Variants in CFAP20DC observed in about 807,000 individuals in gnomAD.
CFAP20DC encodes CFAP20 domain containing.
CFAP20DC carries 84 observed loss-of-function variants against 101.7 expected under a neutral mutation model. That is an observed-to-expected ratio of 0.83 (90% CI 0.69 to 0.99). The LOEUF (loss-of-function observed/expected upper bound fraction) is 0.99. CFAP20DC is among the 50% of genes least tolerant of loss of function. CFAP20DC has a pLI of 0.00. For synonymous variants in CFAP20DC, 359 were observed against 351.2 expected (o/e 1.02, Z -0.25); for missense variants, 1,007 against 970.3 (o/e 1.04, Z -0.50).
intron 14 of CFAP20DC, among the ~76,000 whole-genome samples, chr3:58,818,629 A>G (rs1280542527): frequency 5.5e-5 from 8 of 144,618 alleles, no homozygotes; most frequent in African/African-American, 1.0e-4. Flanking sequence ...AGGAGCACCC[A>G]GATTCATAAA....
chr3:58,739,457 G>T (rs2067832548), downstream of CFAP20DC, among the ~76,000 whole-genome samples: 2 of 152,048 alleles, frequency 1.3e-5, no homozygotes, highest in Non-Finnish European at 2.9e-5. Context: ...AAAAATGTTT[G>T]GTACACACTT....
intron 3 of CFAP20DC, among the ~76,000 whole-genome samples, chr3:59,044,646 G>C (rs956707829): frequency 3.3e-5 from 5 of 151,802 alleles, no homozygotes; most frequent in African/African-American, 4.8e-5. Flanking sequence ...TAGTAGAGAA[G>C]GAATCTATCT....
intron 4 of CFAP20DC, among the ~76,000 whole-genome samples, chr3:58,983,961 C>G (rs2108536205): frequency 6.6e-6 from 1 of 152,238 alleles, no homozygotes; most frequent in Middle Eastern, 3.4e-3. Context: ...CACCCTTGAC[C>G]CAGAAATTCT....
chr3:59,028,158 A>G (rs568055117), intron 4 of CFAP20DC, among the ~76,000 whole-genome samples: 59 of 152,332 alleles, frequency 3.9e-4, no homozygotes, highest in African/African-American at 1.3e-3. Context: ...CAGGTCATGA[A>G]GTTCTGAAAC....
intron 4 of CFAP20DC, among the ~76,000 whole-genome samples, chr3:58,983,149 G>A (rs2108526251): frequency 6.6e-6 from 1 of 152,296 alleles, no homozygotes; most frequent in Admixed American, 6.5e-5. Flanking sequence ...ATTACAGTTT[G>A]TTTTAAGAAA....
Position 58,831,768 on chromosome 3 carries a change from C to T in CFAP20DC, c.2093G>A (p.Ser698Asn), listed in dbSNP as rs2076409455. ...ATTACAGTTGTCCACCTGGGAGGCA[C>T]TCAGGCCATGGGAGGTCCCAGCATC... ...LEDAGTSHGL[S>N]ASQVDNCNVS... Residue 698 changes from serine to asparagine, a missense_variant, in exon 14 of 17, where the codon AGT becomes AAT. Ser to Asn is a conservative substitution (Grantham distance 46). Coordinates refer to ENST00000482387, the MANE Select transcript of CFAP20DC (RefSeq NM_001394063.1). 1 of 1,614,086 alleles carries T rather than the reference C, an allele frequency of 6.2e-7. No homozygotes were observed. The highest frequency in any genetic ancestry group is 8.5e-7 in the Non-Finnish European group (1 of 1,179,996).
chr3:58,822,046 C>CA (rs1324107992), intron 14 of CFAP20DC, among the ~76,000 whole-genome samples: 1 of 141,626 alleles, frequency 7.1e-6, no homozygotes, highest in Non-Finnish European at 1.5e-5. Context: ...ATCGCAAGAA[C>CA]AAAAAACCAA....
chr3:58,820,216 C>G (rs1383939702), intron 14 of CFAP20DC, among the ~76,000 whole-genome samples: 1 of 150,156 alleles, frequency 6.7e-6, no homozygotes, highest in Non-Finnish European at 1.5e-5. Flanking sequence ...GGAAGCATTC[C>G]CTTTGAAAAC....
downstream of CFAP20DC, among the ~76,000 whole-genome samples, chr3:58,740,839 A>G (rs1248942844): frequency 6.6e-6 from 1 of 152,192 alleles, no homozygotes; most frequent in Non-Finnish European, 1.5e-5. This position sits in a 1 kb window ranked among gnomAD's most constrained non-coding sequence, Gnocchi z 4.6. Flanking sequence ...TCCAAGCCCT[A>G]TTACAATCTT....
chr3:58,919,598 T>C (rs2085121719), intron 5 of CFAP20DC, among the ~76,000 whole-genome samples: 1 of 152,226 alleles, frequency 6.6e-6, no homozygotes, highest in Admixed American at 6.5e-5. Context: ...TAGAGAGCAC[T>C]GGCATCTTAA....
At position 58,755,700 on chromosome 3, in the gene CFAP20DC, T is replaced by C. The variant is rs539086339; in HGVS notation, c.2238-1837A>G. Among the ~76,000 whole-genome samples, 9 of 152,298 alleles carry C rather than the reference T, an allele frequency of 5.9e-5. No homozygotes were observed. In the East Asian group the frequency reaches 1.4e-3, roughly 23 times the overall value. On this transcript the variant is annotated intron_variant, in intron 15 of 16. Coordinates refer to ENST00000482387, the MANE Select transcript of CFAP20DC (RefSeq NM_001394063.1). Reference sequence around the variant, plus strand: ...TTTGTGATTAAAAAAATTTTAGATTTATAGAAAAGTTGCAAGAAGAGTATA... The same window carrying C: ...TTTGTGATTAAAAAAATTTTAGATTCATAGAAAAGTTGCAAGAAGAGTATA...
intron 14 of CFAP20DC, among the ~76,000 whole-genome samples, chr3:58,812,755 C>G (rs1373545751): frequency 6.6e-6 from 1 of 151,648 alleles, no homozygotes; most frequent in Non-Finnish European, 1.5e-5. Context: ...GTTTATTTTA[C>G]AGATCCAGCA....
intron 5 of CFAP20DC, among the ~76,000 whole-genome samples, chr3:58,923,310 G>T (rs1559829471): frequency 6.6e-6 from 1 of 151,976 alleles, no homozygotes; most frequent in African/African-American, 2.4e-5. Flanking sequence ...TACCATTACT[G>T]GCATTCTTTG....
intron 4 of CFAP20DC, among the ~76,000 whole-genome samples, chr3:58,949,464 A>T (rs1310292906): frequency 1.3e-5 from 2 of 152,136 alleles, no homozygotes; most frequent in East Asian, 3.9e-4. Flanking sequence ...AATGCGTCCC[A>T]GAGATTCTGG....
intron 7 of CFAP20DC, among the ~76,000 whole-genome samples, chr3:58,883,511 CTT>C (rs1185785080): frequency 6.6e-6 from 1 of 152,146 alleles, no homozygotes; most frequent in East Asian, 1.9e-4. Context: ...TTTGCTGTCT[CTT>C]TGTTTTTGCT....
intron 15 of CFAP20DC, among the ~76,000 whole-genome samples, chr3:58,787,110 A>G (rs1374593089): frequency 6.6e-6 from 1 of 152,042 alleles, no homozygotes; most frequent in Non-Finnish European, 1.5e-5. Context: ...AAGTAATTTT[A>G]TATAAAAGTA....
chr3:59,036,775 A>G lies in CFAP20DC; in HGVS notation c.278+2782T>C, dbSNP rs145723488. On this transcript the variant is annotated intron_variant, in intron 4 of 16. Coordinates refer to ENST00000482387, the MANE Select transcript of CFAP20DC (RefSeq NM_001394063.1). The stretch of plus-strand genomic sequence containing the variant: ...CATCAAGCTACCACTGAATTAGAAA[A>G]AACTACTTTAAATTTCATATGGAAC... Among the ~76,000 whole-genome samples the G allele has an allele frequency of 2.0e-3, 309 of 152,304 alleles. 1 individual carries two copies. The highest frequency in any genetic ancestry group is 7.0e-3 in the African/African-American group (293 of 41,578).
intron 6 of CFAP20DC, among the ~76,000 whole-genome samples, chr3:58,888,273 C>G (rs948748796): frequency 1.3e-5 from 2 of 152,196 alleles, no homozygotes; most frequent in Admixed American, 6.5e-5. Flanking sequence ...TTTATTGAGG[C>G]TCTACTATGT....
intron 7 of CFAP20DC, among the ~76,000 whole-genome samples, chr3:58,878,952 G>C (rs1043811702): frequency 2.0e-5 from 3 of 151,644 alleles, no homozygotes; most frequent in Non-Finnish European, 4.4e-5. Context: ...AGCTTGCAGC[G>C]AGCCAAGATT....
Sources: gnomAD v4.1 joint callset for allele counts (sites outside exome capture counted in the v4.1 genomes callset) on GRCh38, gnomAD v4.1.1 for gene constraint, Gnocchi (gnomAD v3.1) non-coding constraint, MANE v1.5 for transcripts, NCBI Gene and HGNC (gene_info 2026-07-23, HGNC 2026-07-21) for gene names.